Variants in AFF4 observed in about 807,000 individuals in gnomAD.
The protein encoded by AFF4 is AF4/FMR2 family member 4.
AFF4 carries 13 observed loss-of-function variants against 124.8 expected under a neutral mutation model. That is an observed-to-expected ratio of 0.10 (90% confidence interval 0.07 to 0.17). The LOEUF (loss-of-function observed/expected upper bound fraction) is 0.17, where lower values mean the gene tolerates loss of function less well. Among genes scored for constraint, AFF4 ranks in the 10% least tolerant of loss-of-function variants. The pLI is 1.00. For missense variants in AFF4, 1,092 were observed against 1,403.8 expected, an observed-to-expected ratio of 0.78 and a Z score of 3.55; for synonymous variants, 477 against 496.1, an observed-to-expected ratio of 0.96 and a Z score of 0.51.
At chr5:132,959,185 G>A (rs1427948687) in intron 1 of AFF4, among the ~76,000 whole-genome samples, 1 of 150,932 alleles carries the variant, frequency 6.6e-6, no homozygotes, top group Non-Finnish European at 1.5e-5. Context: ...GAGTGCAGTG[G>A]TGCGATCTCA....
chr5:132,941,844 C>T (rs1234694226), intron 1 of AFF4, among the ~76,000 whole-genome samples: 3 of 151,920 alleles, frequency 2.0e-5, no homozygotes, highest in South Asian at 2.1e-4. Flanking sequence ...CCCTCCTCTA[C>T]TAAAAATACA....
intron 1 of AFF4, among the ~76,000 whole-genome samples, chr5:132,941,114 T>C (rs186881743): frequency 8.7e-4 from 133 of 152,184 alleles, no homozygotes; most frequent in Non-Finnish European, 1.7e-3. Flanking sequence ...GTATCAAATA[T>C]ATTGGTTCGA....
intron 20 of AFF4, among the ~76,000 whole-genome samples, chr5:132,882,209 G>A (rs977744471): frequency 8.9e-6 from 1 of 112,258 alleles, no homozygotes; most frequent in Non-Finnish European, 2.0e-5. Context: ...GTAAAACCCT[G>A]TCTCAAAAAA....
intron 7 of AFF4, among the ~76,000 whole-genome samples, chr5:132,900,521 C>G (rs1760525245): frequency 6.6e-6 from 1 of 152,148 alleles, no homozygotes; most frequent in African/African-American, 2.4e-5. Flanking sequence ...CATCCCATCA[C>G]TGCACTCCAG....
At chr5:132,954,518 C>CCAGAGGGT (rs1325137386) in intron 1 of AFF4, among the ~76,000 whole-genome samples, 55 of 151,318 alleles carry the variant, frequency 3.6e-4, no homozygotes, top group Middle Eastern at 3.5e-3. Flanking sequence ...CTCTGGAGCC[C>CCAGAGGGT]CAGAGGGTGT....
chr5:132,943,637 A>G (rs568115090), intron 1 of AFF4: 54 of 217,658 alleles, frequency 2.5e-4, no homozygotes, highest in African/African-American at 1.2e-3. Context: ...GCAATATACC[A>G]TGAAGCTTTG....
At chr5:132,924,636 C>G (rs899966353) in intron 5 of AFF4, among the ~76,000 whole-genome samples, 1 of 152,026 alleles carries the variant, frequency 6.6e-6, no homozygotes, top group Admixed American at 6.6e-5. Flanking sequence ...AGTGGATAAC[C>G]TGAGGTCAGG....
rs1759928993 is a variant in AFF4 at position 132,879,827 on chromosome 5, CT to C, written c.*1231del. ...CTCACACTGAATCAAGTTAGGTACA[CT>C]TTTCTAGTGTGAAATTTTCTGATTC... is the stretch of plus-strand genomic sequence containing the variant. On this transcript the variant is annotated 3_prime_UTR_variant, in exon 21 of 21. Coordinates refer to ENST00000265343, the MANE Select transcript of AFF4 (RefSeq NM_014423.4). 4.3e-6 allele frequency: 1 copy of C among 232,526 alleles called. No individual in the cohort carries two copies. Among genetic ancestry groups the C allele is most frequent in the East Asian group, 6.3e-5 (1 of 15,932 alleles). The allele number at this position is 232,526 out of a possible 1,614,324, so 14.4% of individuals were successfully genotyped here.
intron 1 of AFF4, among the ~76,000 whole-genome samples, chr5:132,944,513 G>A (rs142190324): frequency 1.3e-5 from 2 of 152,110 alleles, no homozygotes; most frequent in Non-Finnish European, 2.9e-5. Flanking sequence ...TGGGTGTGGT[G>A]GCATGCGTCT....
chr5:132,916,029 T>A (rs1581300097), intron 5 of AFF4, among the ~76,000 whole-genome samples: 1 of 151,610 alleles, frequency 6.6e-6, no homozygotes, highest in African/African-American at 2.4e-5. Context: ...GTGAGGCAGG[T>A]GGATCACGAG....
rs375809484 is a variant in AFF4, at chr5:132,902,509, G to A, written c.1088-22C>T. The stretch of plus-strand genomic sequence containing the variant: ...CTTTCTGGAACAAAAAGAATGAAGT[G>A]AGCAACTAAAGGATGGCTATTTAGA... On this transcript the variant is annotated intron_variant, in intron 6 of 20. Transcript: ENST00000265343. The A allele has an allele frequency of 1.2e-5, 19 of 1,582,186 alleles. No homozygotes were observed. In the African/African-American group the frequency reaches 2.3e-4, roughly 19 times the overall value.
chr5:132,891,478 A>G (rs1760255441), intron 13 of AFF4, among the ~76,000 whole-genome samples: 1 of 152,236 alleles, frequency 6.6e-6, no homozygotes, highest in Non-Finnish European at 1.5e-5. Context: ...CTATTAAAGT[A>G]CAGCCTTGAA....
At chr5:132,944,009 T>C (rs1761635791) in intron 1 of AFF4, 1 of 153,276 alleles carries the variant, frequency 6.5e-6, no homozygotes, top group Non-Finnish European at 1.5e-5. Flanking sequence ...TATCCTTCTT[T>C]GGGTTGTTTT....
At chr5:132,955,528 G>A (rs1260951654) in intron 1 of AFF4, among the ~76,000 whole-genome samples, 1 of 151,962 alleles carries the variant, frequency 6.6e-6, no homozygotes, top group Non-Finnish European at 1.5e-5. Context: ...CCTGTAATCT[G>A]AACACTTTGG....
At chr5:132,897,782 A>T (rs1414536379) in intron 10 of AFF4, among the ~76,000 whole-genome samples, 1 of 152,186 alleles carries the variant, frequency 6.6e-6, no homozygotes, top group Admixed American at 6.5e-5. Flanking sequence ...TCAAGAATCC[A>T]ATTTCAAAGG....
rs1759898934 is a variant in AFF4, at chr5:132,878,728, A to C, written c.*2331T>G. On this transcript the variant is annotated 3_prime_UTR_variant, in exon 21 of 21. Coordinates refer to ENST00000265343, the MANE Select transcript of AFF4 (RefSeq NM_014423.4). ...AAATTGACACAGTTTTAAAGAGAAA[A>C]TATTAGAGCAGCACCATAAACCATG... 1 of 225,346 alleles carries C rather than the reference A, an allele frequency of 4.4e-6. No individual in the cohort carries two copies. Among genetic ancestry groups the C allele is most frequent in the Non-Finnish European group, 8.9e-6 (1 of 112,872 alleles). 14.0% of individuals were successfully genotyped at this position (225,346 alleles called of 1,614,324 possible).
At chr5:132,896,281 A>C in intron 11 of AFF4, 42 bp downstream of exon 11, 2 of 1,532,134 alleles carry the variant, frequency 1.3e-6, no homozygotes, top group Non-Finnish European at 1.7e-6. Context: ...CGCATTTCAG[A>C]TTCTGATGTT....
chr5:132,887,406 TTTA>T, intron 17 of AFF4, 112 bp downstream of exon 17: 1 of 983,412 alleles, frequency 1.0e-6, no homozygotes, highest in East Asian at 2.5e-5. Context: ...CAGGAACAGA[TTTA>T]AGACAGGATT....
rs1271186579 is a variant in AFF4, at chr5:132,888,057, T to C, written c.2796+40A>G. 3 of 1,606,358 alleles carry C rather than the reference T, an allele frequency of 1.9e-6. No homozygotes were observed. The Admixed American group carries it at 5.1e-5, about 27-fold the overall frequency. On this transcript the variant is annotated intron_variant, in intron 15 of 20. Coordinates refer to ENST00000265343, the MANE Select transcript of AFF4 (RefSeq NM_014423.4). Reference sequence around the variant, plus strand: ...AACATCAGAAGATTACTTAAGTTAATTTGATTAAATACGTAAGTGTAAGGA... The same window carrying C: ...AACATCAGAAGATTACTTAAGTTAACTTGATTAAATACGTAAGTGTAAGGA...
Sources: gnomAD v4.1 joint callset for allele counts (sites outside exome capture counted in the v4.1 genomes callset) on GRCh38, gnomAD v4.1.1 for gene constraint, MANE v1.5 for transcripts, NCBI Gene and HGNC (gene_info 2026-07-23, HGNC 2026-07-21) for gene names.